Variants in BMPR1B observed in about 807,000 individuals in gnomAD.
The protein encoded by BMPR1B is bone morphogenetic protein receptor type 1B, also known as bone morphogenetic protein receptor type-1B.
Under a neutral mutation model 59.1 loss-of-function variants are expected in BMPR1B, and 12 were observed. The ratio of observed to expected loss-of-function variants is 0.20; its 90% CI spans 0.13 to 0.33. BMPR1B has a LOEUF of 0.33. BMPR1B is among the 10% of genes least tolerant of loss of function. The pLI, the probability that BMPR1B is intolerant of heterozygous loss-of-function variation, is 1.00. For missense variants in BMPR1B, 550 were observed against 610.9 expected, an observed-to-expected ratio of 0.90 and a Z score of 1.05; for synonymous variants, 237 against 207.3, an observed-to-expected ratio of 1.14 and a Z score of -1.23.
Position 95,045,287 on chromosome 4 carries a change from C to A in BMPR1B, c.-18+49153C>A, listed in dbSNP as rs868568098. 2.6e-5 allele frequency among the ~76,000 whole-genome samples: 4 copies of A among 151,988 alleles called. No individual in the cohort carries two copies. The South Asian group carries it at 6.3e-4, about 24-fold the overall frequency. On this transcript the variant is annotated intron_variant, in intron 3 of 12. Transcript: ENST00000515059. ...TTATCTCCAAAACTTTATTAGTTTC[C>A]CTTGAAATATAATGAGCTGCAAGAA...
intron 2 of BMPR1B, among the ~76,000 whole-genome samples, chr4:94,930,057 A>C (rs912522726): frequency 2.6e-5 from 4 of 151,998 alleles, no homozygotes; most frequent in African/African-American, 9.7e-5. Flanking sequence ...ACCATTCTCT[A>C]CTTTAAACTA....
At chr4:95,037,792 G>C (rs1394148727) in intron 3 of BMPR1B, among the ~76,000 whole-genome samples, 2 of 152,120 alleles carry the variant, frequency 1.3e-5, no homozygotes, top group African/African-American at 2.4e-5. Context: ...GAAAGAGAGA[G>C]ATAGGGCTTT....
intron 3 of BMPR1B, among the ~76,000 whole-genome samples, chr4:95,026,098 A>ATTTCTTTCTTTCTTTCTTTT (rs1724344470): frequency 4.4e-4 from 45 of 101,714 alleles, no homozygotes; most frequent in Admixed American, 8.9e-4. Context: ...GCTTTCTTTC[A>ATTTCTTTCTTTCTTTCTTTT]TTTCTTTCTT....
chr4:95,149,019 A>G (rs1734847349), intron 11 of BMPR1B, 96 bp downstream of exon 11: 2 of 1,484,608 alleles, frequency 1.3e-6, no homozygotes, highest in South Asian at 1.1e-5. Context: ...TGTCTATAAG[A>G]TCTGGTTTTA....
chr4:95,134,082 C>A (rs868537034), intron 10 of BMPR1B, among the ~76,000 whole-genome samples: 1 of 152,164 alleles, frequency 6.6e-6, no homozygotes, highest in Admixed American at 6.5e-5. Flanking sequence ...TCCAAGTGTT[C>A]TCATTGTTCA....
At chr4:94,857,794 A>G (rs1725818625) in intron 1 of BMPR1B, among the ~76,000 whole-genome samples, 1 of 152,182 alleles carries the variant, frequency 6.6e-6, no homozygotes, top group African/African-American at 2.4e-5. Context: ...ACAATACAAC[A>G]CTTTTTTTAG....
At chr4:95,116,419 GCGCACA>G (rs1435708204) in intron 6 of BMPR1B, among the ~76,000 whole-genome samples, 20 of 51,102 alleles carry the variant, frequency 3.9e-4, no homozygotes, top group Admixed American at 1.0e-3. Context: ...CTTTCAGCGC[GCGCACA>G]CACACACACA....
At chr4:94,953,574 A>G (rs867109948) in intron 2 of BMPR1B, among the ~76,000 whole-genome samples, 2 of 151,668 alleles carry the variant, frequency 1.3e-5, no homozygotes, top group African/African-American at 4.9e-5. Context: ...AAGAATGTTG[A>G]ATATTGGCCC....
At chr4:94,822,821 A>AT (rs1724254089) in intron 1 of BMPR1B, among the ~76,000 whole-genome samples, 1 of 152,166 alleles carries the variant, frequency 6.6e-6, no homozygotes, top group African/African-American at 2.4e-5. Flanking sequence ...AGGTTACCTC[A>AT]TATCTGCCAA....
At chr4:95,147,694 CT>C (rs1734744889) in intron 10 of BMPR1B, among the ~76,000 whole-genome samples, 1 of 152,094 alleles carries the variant, frequency 6.6e-6, no homozygotes, top group Admixed American at 6.5e-5. Flanking sequence ...TGGTTATAGT[CT>C]GTTCATCTGT....
intron 2 of BMPR1B, among the ~76,000 whole-genome samples, chr4:94,960,718 A>T (rs1414242809): frequency 2.0e-5 from 3 of 150,610 alleles, no homozygotes; most frequent in Admixed American, 1.3e-4. Flanking sequence ...GTGTATGAAA[A>T]ATATATATAT....
chr4:94,800,870 T>C (rs1046857344), intron 1 of BMPR1B, among the ~76,000 whole-genome samples: 2 of 152,202 alleles, frequency 1.3e-5, no homozygotes, highest in Admixed American at 1.3e-4. Flanking sequence ...AACAAATGTT[T>C]AGAAAGCAGT....
chr4:94,912,111 T>G (rs578201396), intron 2 of BMPR1B, among the ~76,000 whole-genome samples: 25 of 152,188 alleles, frequency 1.6e-4, no homozygotes, highest in Non-Finnish European at 2.9e-4. Context: ...AAGTGGAAAC[T>G]GTTAGATCTC....
chr4:94,939,879 A>T (rs951089528), intron 2 of BMPR1B, among the ~76,000 whole-genome samples: 1 of 152,202 alleles, frequency 6.6e-6, no homozygotes, highest in Admixed American at 6.5e-5. Context: ...AAGGAAGTCA[A>T]GACTCATTAA....
chr4:95,122,493 G>A (rs1166890003), intron 6 of BMPR1B, among the ~76,000 whole-genome samples: 1 of 152,066 alleles, frequency 6.6e-6, no homozygotes, highest in East Asian at 1.9e-4. Context: ...ATAATTATGT[G>A]TCAATATAAA....
chr4:94,959,189 T>C (rs1399342818), intron 2 of BMPR1B, among the ~76,000 whole-genome samples: 2 of 152,180 alleles, frequency 1.3e-5, no homozygotes, highest in Non-Finnish European at 2.9e-5. Flanking sequence ...GGATTTTTAG[T>C]CTACAAATTT....
At chr4:95,034,722 G>T (rs1725109426) in intron 3 of BMPR1B, among the ~76,000 whole-genome samples, 1 of 151,800 alleles carries the variant, frequency 6.6e-6, no homozygotes, top group South Asian at 2.1e-4. Flanking sequence ...ACTGTGAATT[G>T]TGCTGCTATA....
intron 2 of BMPR1B, among the ~76,000 whole-genome samples, chr4:94,954,458 C>T (rs1329453368): frequency 6.6e-6 from 1 of 152,162 alleles, no homozygotes; most frequent in Non-Finnish European, 1.5e-5. Context: ...CATATGGCTG[C>T]TCAGATTGTG....
intron 2 of BMPR1B, among the ~76,000 whole-genome samples, chr4:94,895,258 G>C (rs566275039): frequency 6.6e-6 from 1 of 151,950 alleles, no homozygotes; most frequent in African/African-American, 2.4e-5. Context: ...TTCAAAGATG[G>C]CAGCACAGAG....
Sources: gnomAD v4.1 joint callset for allele counts (sites outside exome capture counted in the v4.1 genomes callset) on GRCh38, gnomAD v4.1.1 for gene constraint, MANE v1.5 for transcripts, NCBI Gene and HGNC (gene_info 2026-07-23, HGNC 2026-07-21) for gene names.